N4BP1: variants seen among roughly 807,000 people sequenced by gnomAD.
N4BP1 encodes the protein NEDD4-binding protein 1.
A neutral mutation model predicts 70.9 loss-of-function variants in N4BP1; 21 were observed. The ratio of observed to expected loss-of-function variants is 0.30; its 90% CI spans 0.21 to 0.43. The LOEUF (loss-of-function observed/expected upper bound fraction) is 0.43. N4BP1 is among the 20% of genes least tolerant of loss of function. N4BP1 has a pLI of 1.00. For missense variants in N4BP1, 936 were observed against 1,069.4 expected (o/e 0.88, Z 1.74); for synonymous variants, 387 against 394.6 (o/e 0.98, Z 0.23).
rs1407182104 is a variant in N4BP1 at position 48,562,433 on chromosome 16, T to C, written c.210A>G (p.Lys70=). Residue 70 remains lysine (K), a synonymous_variant, in exon 2 of 7, where the codon AAA becomes AAG. Transcript: ENST00000262384. ...EAVHSAKEYI[K]GICEPELEER... ...CTTCTAGTTCAGGTTCACAGATTCC[T>C]TTAATATATTCCTGTAAAGAGAAAA... 1.2e-6 allele frequency: 2 copies of C among 1,606,262 alleles called. No homozygotes were observed. The highest frequency in any genetic ancestry group is 8.5e-7 in the Non-Finnish European group (1 of 1,177,434).
At chr16:48,564,106 G>A (rs1338967255) in intron 1 of N4BP1, among the ~76,000 whole-genome samples, 2 of 152,044 alleles carry the variant, frequency 1.3e-5, no homozygotes, top group Non-Finnish European at 2.9e-5. Context: ...AGTTTTGAGA[G>A]CTCTTTATAT....
intron 1 of N4BP1, chr16:48,600,369 G>T: frequency 1.3e-6 from 1 of 751,144 alleles, no homozygotes; most frequent in Non-Finnish European, 2.4e-6. Flanking sequence ...TAATTCATTT[G>T]AATATGAAAA....
intron 1 of N4BP1, among the ~76,000 whole-genome samples, chr16:48,589,293 G>A (rs556447509): frequency 6.6e-6 from 1 of 152,258 alleles, no homozygotes; most frequent in South Asian, 2.1e-4. Flanking sequence ...GGTCAGCAGA[G>A]ACCAAAGTAG....
In N4BP1 at chr16:48,539,570, C is replaced by T. The variant is rs1447444449; in HGVS notation, c.*3334G>A. The T allele has an allele frequency of 3.3e-5, 5 of 152,388 alleles. No homozygotes were observed. The highest frequency in any genetic ancestry group is 3.4e-3 in the Middle Eastern group (1 of 294). The allele number at this position is 152,388 out of a possible 1,614,324, so 9.4% of individuals were successfully genotyped here. A position where few individuals can be genotyped will look rare whatever the true frequency, so the allele number is the denominator to read the frequency against. ...GACTGCAGTTTCTCAACATGTGGTC[C>T]GTGGATCACCTGCATGGGAACTGCC... is the stretch of plus-strand genomic sequence containing the variant. On this transcript the variant is annotated 3_prime_UTR_variant, in exon 7 of 7. Transcript: ENST00000262384.
intron 1 of N4BP1, among the ~76,000 whole-genome samples, chr16:48,567,841 T>C (rs1445363296): frequency 6.6e-6 from 1 of 152,182 alleles, no homozygotes; most frequent in East Asian, 1.9e-4. Context: ...AGCTAATTCC[T>C]AGGGGTGGTC....
chr16:48,558,444 G>C (rs922372652), intron 2 of N4BP1, among the ~76,000 whole-genome samples: 3 of 152,250 alleles, frequency 2.0e-5, no homozygotes, highest in Non-Finnish European at 2.9e-5. Flanking sequence ...ACTGGGGAAG[G>C]ATATTATAAG....
chr16:48,572,331 C>A (rs1003278164), intron 1 of N4BP1, among the ~76,000 whole-genome samples: 1 of 151,996 alleles, frequency 6.6e-6, no homozygotes, highest in Non-Finnish European at 1.5e-5. Flanking sequence ...TCAAAAGTCC[C>A]ACAAGAAAAA....
chr16:48,591,474 A>C (rs1964337496), intron 1 of N4BP1, among the ~76,000 whole-genome samples: 1 of 152,182 alleles, frequency 6.6e-6, no homozygotes, highest in Admixed American at 6.5e-5. Context: ...TCACATGGGA[A>C]GTTACCTGTG....
rs531873955 is a variant in N4BP1, at chr16:48,549,821, C to T, written c.2117+1565G>A. Among the ~76,000 whole-genome samples the T allele has an allele frequency of 6.6e-5, 10 of 152,334 alleles. No homozygotes were observed. The East Asian group carries it at 1.9e-3, about 29-fold the overall frequency. On this transcript the variant is annotated intron_variant, in intron 4 of 6. Transcript: ENST00000262384. ...CTCTTACCCATTTGACTATCATTCA[C>T]TAGCTTGGGTCACAAGCTAAACACT...
chr16:48,597,098 A>T (rs1297465736), intron 1 of N4BP1, among the ~76,000 whole-genome samples: 1 of 152,206 alleles, frequency 6.6e-6, no homozygotes, highest in Non-Finnish European at 1.5e-5. Flanking sequence ...CCTACCTGCC[A>T]AATTATCTTT....
chr16:48,609,626 G>A, intron 1 of N4BP1, 149 bp downstream of exon 1: 1 of 619,992 alleles, frequency 1.6e-6, no homozygotes, highest in Non-Finnish European at 2.3e-6. Context: ...CACATGGCTC[G>A]CGAGCCGAAA....
Position 48,558,493 on chromosome 16 carries a change from C to G in N4BP1, c.1889+2261G>C, listed in dbSNP as rs537596529. On this transcript the variant is annotated intron_variant, in intron 2 of 6. Transcript: ENST00000262384. Reference sequence around the variant, plus strand: ...ACTAGATTTGCAAAACATCCTGTCACGGATAGGCAGCACCACTCTAAATTC... The same window carrying G: ...ACTAGATTTGCAAAACATCCTGTCAGGGATAGGCAGCACCACTCTAAATTC... 2.6e-5 allele frequency among the ~76,000 whole-genome samples: 4 copies of G among 152,218 alleles called. No homozygotes were observed. In the South Asian group the frequency reaches 6.2e-4, roughly 24 times the overall value.
intron 4 of N4BP1, among the ~76,000 whole-genome samples, chr16:48,548,612 T>C (rs1170566495): frequency 6.6e-6 from 1 of 151,978 alleles, no homozygotes; most frequent in East Asian, 1.9e-4. Flanking sequence ...TTTGGGAGGT[T>C]GAGGTGGGCG....
In N4BP1 at chr16:48,539,212, A is replaced by G; in HGVS notation, c.*3692T>C. 2 of 152,470 alleles carry G rather than the reference A, an allele frequency of 1.3e-5. 1 individual carries two copies. Among genetic ancestry groups the G allele is most frequent in the Middle Eastern group, 6.8e-3 (2 of 296 alleles). 9.4% of individuals were successfully genotyped at this position (152,470 alleles called of 1,614,324 possible). On this transcript the variant is annotated 3_prime_UTR_variant, in exon 7 of 7. Coordinates refer to ENST00000262384, the MANE Select transcript of N4BP1 (RefSeq NM_153029.4). Reference sequence around the variant, plus strand: ...TCACTTCGCAGGAGGAGGGGTGACTAGAAGTATGTTACTGGAAGGTAAATC... The same window carrying G: ...TCACTTCGCAGGAGGAGGGGTGACTGGAAGTATGTTACTGGAAGGTAAATC...
intron 2 of N4BP1, among the ~76,000 whole-genome samples, chr16:48,555,174 C>T (rs1790059510): frequency 6.6e-6 from 1 of 152,244 alleles, no homozygotes; most frequent in Admixed American, 6.5e-5. Context: ...CAGGGCCTCT[C>T]TCAGCCTCCT....
Position 48,548,160 on chromosome 16 carries a change from G to C in N4BP1, c.2118-46C>G, listed in dbSNP as rs540840627. 2.2e-5 allele frequency: 23 copies of C among 1,031,652 alleles called. No individual in the cohort carries two copies. The South Asian group carries it at 2.9e-4, about 13-fold the overall frequency. 63.9% of individuals were successfully genotyped at this position (1,031,652 alleles called of 1,614,324 possible). On this transcript the variant is annotated intron_variant, in intron 4 of 6. Transcript: ENST00000262384. ...TTAAAATCAGCAACAGGCATCCTTG[G>C]CTCAGAGAAGCCATGTTATAAGAAG...
At chr16:48,557,896 G>C (rs1477551326) in intron 2 of N4BP1, among the ~76,000 whole-genome samples, 1 of 152,142 alleles carries the variant, frequency 6.6e-6, no homozygotes, top group Non-Finnish European at 1.5e-5. Context: ...TTTCTTCATG[G>C]AATCTAGTCA....
intron 1 of N4BP1, among the ~76,000 whole-genome samples, chr16:48,585,849 C>T (rs551108084): frequency 6.6e-6 from 1 of 152,276 alleles, no homozygotes; most frequent in South Asian, 2.1e-4. Context: ...GCAGACACCA[C>T]CATGCCCAGC....
chr16:48,587,120 C>T (rs1964257285), intron 1 of N4BP1: 1 of 152,216 alleles, frequency 6.6e-6, no homozygotes. Flanking sequence ...TTGTGCTATA[C>T]CTCTGCTACT....
Sources: gnomAD v4.1 joint callset for allele counts (sites outside exome capture counted in the v4.1 genomes callset) on GRCh38, gnomAD v4.1.1 for gene constraint, MANE v1.5 for transcripts, NCBI Gene and HGNC (gene_info 2026-07-23, HGNC 2026-07-21) for gene names.